KRT86: variants seen among roughly 807,000 people sequenced by gnomAD.
KRT86 encodes the protein keratin, type II cuticular Hb6.
A neutral mutation model predicts 41.2 loss-of-function variants in KRT86; 30 were observed. The observed-to-expected ratio is 0.73, with a 90% CI of 0.54 to 0.99. The LOEUF (loss-of-function observed/expected upper bound fraction) is 0.99. Ranked by LOEUF, KRT86 falls within the 50% of genes least tolerant of loss-of-function variation. The pLI is 0.00. For missense variants in KRT86, 561 were observed against 571.4 expected (o/e 0.98, Z 0.19); for synonymous variants, 238 against 238.1 (o/e 1.00, Z 0.00).
chr12:52,291,127 G>C, intron 2 of KRT86: 2 of 918,350 alleles, frequency 2.2e-6, no homozygotes, highest in Non-Finnish European at 3.1e-6. Flanking sequence ...ACCTGCTGTT[G>C]AGGGACTTGA....
chr12:52,293,039 AG>A (rs1170142461), intron 2 of KRT86, among the ~76,000 whole-genome samples: 1 of 152,210 alleles, frequency 6.6e-6, no homozygotes, highest in African/African-American at 2.4e-5. Context: ...CTGTATTCCC[AG>A]CTACATGGGA....
chr12:52,282,008 T>C (rs1937783933), intron 2 of KRT86, among the ~76,000 whole-genome samples: 1 of 152,132 alleles, frequency 6.6e-6, no homozygotes, highest in Admixed American at 6.5e-5. Flanking sequence ...CCCAAAGTGC[T>C]GGGATTACAG....
rs1452504751 is a variant in KRT86, at chr12:52,308,619, C to A, written c.*34C>A. On this transcript the variant is annotated 3_prime_UTR_variant, in exon 11 of 11. Transcript: ENST00000423955. ...CGCCTCCGCCAGCGCCTGTCGCCGT[C>A]ACTCTCCACCCAGCCAGTACCTCGC... 8.8e-6 allele frequency: 14 copies of A among 1,583,536 alleles called. No individual in the cohort carries two copies. Among genetic ancestry groups the A allele is most frequent in the Non-Finnish European group, 1.1e-5 (13 of 1,171,368 alleles).
chr12:52,299,392 C>T (rs60696802), intron 2 of KRT86, among the ~76,000 whole-genome samples: 17,939 of 152,124 alleles, frequency 0.12, 1,104 homozygotes, highest in African/African-American at 0.13. Context: ...TTGTGAATAG[C>T]GCTGCAATAA....
At chr12:52,304,694 T>C (rs1481236442) in intron 5 of KRT86, among the ~76,000 whole-genome samples, 2 of 150,794 alleles carry the variant, frequency 1.3e-5, no homozygotes, top group African/African-American at 4.9e-5. Flanking sequence ...AAAGGAGAGA[T>C]AAGAGGGTAA....
In KRT86 at chr12:52,306,402, T is replaced by C. The variant is rs1022824575; in HGVS notation, c.1247+122T>C. The C allele has an allele frequency of 6.1e-6, 9 of 1,470,098 alleles. No homozygotes were observed. In the African/African-American group the frequency reaches 1.3e-4, roughly 21 times the overall value. 91.1% of individuals were successfully genotyped at this position (1,470,098 alleles called of 1,614,324 possible). On this transcript the variant is annotated intron_variant, in intron 9 of 10. Coordinates refer to ENST00000423955, the MANE Select transcript of KRT86 (RefSeq NM_001320198.2). ...CCTCCCCACCCTGCAACCAGACAGG[T>C]AATTTGTGTAAGTCCTTTAAGTATG...
intron 2 of KRT86, among the ~76,000 whole-genome samples, chr12:52,298,021 T>G (rs759810371): frequency 1.8e-4 from 28 of 152,234 alleles, no homozygotes; most frequent in Non-Finnish European, 3.7e-4. Flanking sequence ...GACTGAGGAT[T>G]TCTGATGGTC....
intron 2 of KRT86, among the ~76,000 whole-genome samples, chr12:52,277,941 G>A (rs761353800): frequency 6.6e-6 from 1 of 152,214 alleles, no homozygotes; most frequent in Non-Finnish European, 1.5e-5. Context: ...CCTGGGACGG[G>A]GTGACCCATA....
chr12:52,305,543 C>T, intron 7 of KRT86, 120 bp from the exon 8 acceptor site: 1 of 1,599,340 alleles, frequency 6.3e-7, no homozygotes, highest in Non-Finnish European at 8.5e-7. Flanking sequence ...GGTGGTAGGG[C>T]AGGACTGCCA....
At chr12:52,302,841 TGGG>T (rs71092757) in intron 3 of KRT86, among the ~76,000 whole-genome samples, 7 of 127,144 alleles carry the variant, frequency 5.5e-5, no homozygotes, top group Middle Eastern at 3.8e-3. Context: ...GGGTGGGGGG[TGGG>T]GGGGGGGTCA....
intron 9 of KRT86, 166 bp from the exon 10 acceptor site, chr12:52,308,067 C>A (rs1938556488): frequency 2.5e-6 from 2 of 811,474 alleles, no homozygotes; most frequent in African/African-American, 2.0e-5. Flanking sequence ...TGTCTCCAGA[C>A]CCTCACGGTG....
At chr12:52,287,376 C>T in intron 2 of KRT86, 2 of 1,605,624 alleles carry the variant, frequency 1.2e-6, no homozygotes, top group Non-Finnish European at 1.7e-6. Context: ...CTCTCTGATG[C>T]TCATCCAAAT....
chr12:52,305,787 A>G lies in KRT86; in HGVS notation c.1025A>G (p.Gln342Arg), dbSNP rs1350174258. ...LTAEVENAKC[Q>R]NSKLEAAVAQ... is the part of the protein sequence containing the mutation. ...GCTGAGGTGGAGAATGCCAAGTGCC[A>G]GGTATGGGGCATCTGTGCCCAAGGT... is the stretch of plus-strand genomic sequence containing the variant. Residue 342 changes from glutamine (Q) to arginine (R), a missense_variant and splice_region_variant, in exon 8 of 11, where the codon CAG becomes CGG. Physicochemically the swap from Gln to Arg is conservative, Grantham distance 43. This residue lies in a region of KRT86 where 397 missense variants were observed against 375.9 expected (regional missense o/e 1.06). Transcript: ENST00000423955. 1 of 1,613,986 alleles carries G rather than the reference A, an allele frequency of 6.2e-7. No homozygotes were observed. Among genetic ancestry groups the G allele is most frequent in the East Asian group, 2.2e-5 (1 of 44,878 alleles).
At chr12:52,282,526 G>A (rs190557979) in intron 2 of KRT86, among the ~76,000 whole-genome samples, 7 of 152,302 alleles carry the variant, frequency 4.6e-5, no homozygotes, top group African/African-American at 7.2e-5. Flanking sequence ...GTGAGCCACC[G>A]CGCCCGGCCA....
chr12:52,292,270 G>C (rs572334944), intron 2 of KRT86, among the ~76,000 whole-genome samples: 2 of 152,340 alleles, frequency 1.3e-5, no homozygotes, highest in South Asian at 4.1e-4. Flanking sequence ...AGCATGGCAT[G>C]TCACCCTTAA....
chr12:52,288,941 C>A (rs1168603780), intron 2 of KRT86, among the ~76,000 whole-genome samples: 1 of 146,624 alleles, frequency 6.8e-6, no homozygotes, highest in East Asian at 2.0e-4. Flanking sequence ...GGGGCCTCAG[C>A]AATAGACCAC....
At chr12:52,279,605 C>CT (rs1937726278) in intron 2 of KRT86, among the ~76,000 whole-genome samples, 1 of 152,184 alleles carries the variant, frequency 6.6e-6, no homozygotes, top group South Asian at 2.1e-4. Context: ...ACAAACCTGG[C>CT]TGCGGTGGAG....
chr12:52,287,407 G>A, intron 2 of KRT86: 1 of 1,581,882 alleles, frequency 6.3e-7, no homozygotes, highest in Non-Finnish European at 8.6e-7. Context: ...TCCCCACCAA[G>A]CTGGGAGCAC....
chr12:52,301,142 TGTGA>T (rs1364430056), intron 2 of KRT86, among the ~76,000 whole-genome samples: 1 of 151,632 alleles, frequency 6.6e-6, no homozygotes, highest in African/African-American at 2.4e-5. Flanking sequence ...GCATTGTGTG[TGTGA>T]GTGTGTATGT....
Sources: gnomAD v4.1 joint callset for allele counts (sites outside exome capture counted in the v4.1 genomes callset) on GRCh38, gnomAD v4.1.1 for gene constraint, gnomAD v4.1.1 regional missense constraint, MANE v1.5 for transcripts, NCBI Gene and HGNC (gene_info 2026-07-23, HGNC 2026-07-21) for gene names.